SOX6: variants seen among roughly 807,000 people sequenced by gnomAD.
The protein encoded by SOX6 is SRY-box transcription factor 6, also known as transcription factor SOX-6.
Under a neutral mutation model 97.8 loss-of-function variants are expected in SOX6, and 11 were observed. That is an observed-to-expected ratio of 0.11 (90% CI 0.07 to 0.19). SOX6 has a LOEUF of 0.19. Among genes scored for constraint, SOX6 ranks in the 10% least tolerant of loss-of-function variants. SOX6 has a pLI of 1.00. For missense variants in SOX6, 810 were observed against 1,039.5 expected, an observed-to-expected ratio of 0.78 and a Z score of 3.04; for synonymous variants, 360 against 371.4, an observed-to-expected ratio of 0.97 and a Z score of 0.35.
At chr11:16,588,849 CAAGACA>C (rs1336488302) in intron 4 of SOX6, among the ~76,000 whole-genome samples, 1 of 151,984 alleles carries the variant, frequency 6.6e-6, no homozygotes, top group Non-Finnish European at 1.5e-5. Context: ...GGCGTTGTAG[CAAGACA>C]CTGTCTCTTT....
intron 6 of SOX6, among the ~76,000 whole-genome samples, chr11:16,158,146 G>T (rs2134065895): frequency 6.6e-6 from 1 of 151,998 alleles, no homozygotes; most frequent in East Asian, 1.9e-4. Flanking sequence ...TTCAAAAATT[G>T]TTGAGTTAAT....
At chr11:16,633,185 A>G (rs1273226588) in intron 3 of SOX6, among the ~76,000 whole-genome samples, 1 of 152,216 alleles carries the variant, frequency 6.6e-6, no homozygotes, top group East Asian at 1.9e-4. Context: ...TCTAAATAGT[A>G]TTTTTAATAC....
intron 4 of SOX6, among the ~76,000 whole-genome samples, chr11:16,487,746 C>T (rs1860458585): frequency 6.6e-6 from 1 of 152,154 alleles, no homozygotes; most frequent in Admixed American, 6.5e-5. Context: ...TTAAAGGCAG[C>T]TAAAGATGGT....
At chr11:16,215,864 G>A (rs749171414) in intron 4 of SOX6, among the ~76,000 whole-genome samples, 4 of 152,088 alleles carry the variant, frequency 2.6e-5, no homozygotes, top group Non-Finnish European at 5.9e-5. Flanking sequence ...GTTTGATTTT[G>A]GTTTTGTTTT....
chr11:16,230,470 G>A (rs543666964), intron 4 of SOX6, among the ~76,000 whole-genome samples: 1 of 151,090 alleles, frequency 6.6e-6, no homozygotes, highest in Admixed American at 6.6e-5. Flanking sequence ...TATAACAAAA[G>A]GAAAATAGAA....
intron 4 of SOX6, among the ~76,000 whole-genome samples, chr11:16,593,918 G>GA (rs1311809473): frequency 2.0e-5 from 3 of 152,102 alleles, no homozygotes; most frequent in South Asian, 2.1e-4. Flanking sequence ...AATTAAAAAA[G>GA]AAAAAATTCA....
intron 2 of SOX6, among the ~76,000 whole-genome samples, chr11:16,328,167 GACCCT>G (rs1856159715): frequency 6.6e-6 from 1 of 152,018 alleles, no homozygotes; most frequent in Admixed American, 6.6e-5. Flanking sequence ...TGCTTCTTTA[GACCCT>G]ACTCAAAATC....
chr11:16,277,848 G>T (rs757915217), intron 3 of SOX6, among the ~76,000 whole-genome samples: 2 of 152,218 alleles, frequency 1.3e-5, no homozygotes, highest in Admixed American at 6.5e-5. Context: ...ATTCAACGTG[G>T]TTTCAAAGTA....
intron 4 of SOX6, among the ~76,000 whole-genome samples, chr11:16,548,392 T>C (rs755287897): frequency 1.3e-5 from 2 of 152,200 alleles, no homozygotes; most frequent in Non-Finnish European, 2.9e-5. Context: ...CAATTTTTAA[T>C]ATCTTCAAAA....
In SOX6 at chr11:16,487,587, A is replaced by G. The variant is rs1388199735; in HGVS notation, n.610-11199T>C. On this transcript the variant is annotated intron_variant and non_coding_transcript_variant, in intron 4 of 5. Coordinates refer to the SOX6 transcript ENST00000524520. The stretch of plus-strand genomic sequence containing the variant: ...GTAGAGTGGCAGAGATTTAAAAAGC[A>G]ATCATTTAACAAAATCTTGCAAATA... Among the ~76,000 whole-genome samples the G allele has an allele frequency of 5.3e-5, 8 of 152,342 alleles. No homozygotes were observed. In the East Asian group the frequency reaches 1.5e-3, roughly 29 times the overall value.
chr11:16,278,909 C>T (rs978226703), intron 3 of SOX6, among the ~76,000 whole-genome samples: 2 of 152,050 alleles, frequency 1.3e-5, no homozygotes, highest in Non-Finnish European at 2.9e-5. Flanking sequence ...CTTCATTTTC[C>T]TATTCTTGGA....
intron 3 of SOX6, among the ~76,000 whole-genome samples, chr11:16,688,623 G>A (rs147896279): frequency 1.2e-4 from 18 of 152,182 alleles, no homozygotes; most frequent in African/African-American, 3.9e-4. Flanking sequence ...GATTTGTATC[G>A]TTTTTTATAT....
intron 4 of SOX6, among the ~76,000 whole-genome samples, chr11:16,489,244 A>G (rs372464817): frequency 3.3e-5 from 5 of 152,130 alleles, no homozygotes; most frequent in South Asian, 4.1e-4. Flanking sequence ...CAGTTCTACT[A>G]TTTTATACAG....
At chr11:16,622,548 C>T (rs1461743246) in intron 3 of SOX6, among the ~76,000 whole-genome samples, 1 of 152,196 alleles carries the variant, frequency 6.6e-6, no homozygotes, top group Non-Finnish European at 1.5e-5. Flanking sequence ...AGTTACTCTG[C>T]TTACAATAAT....
chr11:16,612,524 A>C (rs1003086606), intron 3 of SOX6, among the ~76,000 whole-genome samples: 1 of 145,848 alleles, frequency 6.9e-6, no homozygotes, highest in African/African-American at 2.5e-5. Context: ...AGTCAGAGAA[A>C]GATTTTTAAC....
chr11:16,576,667 G>A (rs1040276449), intron 4 of SOX6, among the ~76,000 whole-genome samples: 4 of 151,950 alleles, frequency 2.6e-5, no homozygotes, highest in Non-Finnish European at 4.4e-5. Context: ...GGATTTTAAA[G>A]GAACTATAAT....
intron 1 of SOX6, among the ~76,000 whole-genome samples, chr11:16,427,574 G>T (rs1191110673): frequency 6.6e-6 from 1 of 151,788 alleles, no homozygotes; most frequent in Non-Finnish European, 1.5e-5. Context: ...GTGAGAACAT[G>T]AGGTGTTTGG....
chr11:16,537,640 T>C (rs1354846726), intron 4 of SOX6, among the ~76,000 whole-genome samples: 1 of 152,186 alleles, frequency 6.6e-6, no homozygotes, highest in African/African-American at 2.4e-5. Flanking sequence ...AATGACCTGA[T>C]GGAGCTGAAA....
At chr11:16,643,346 G>A (rs536428290) in intron 3 of SOX6, among the ~76,000 whole-genome samples, 1 of 152,334 alleles carries the variant, frequency 6.6e-6, no homozygotes, top group East Asian at 1.9e-4. Flanking sequence ...CTCCCAGTTA[G>A]GCTACTCAGG....
Sources: allele counts gnomAD v4.1 joint callset (sites outside exome capture counted in the v4.1 genomes callset), GRCh38; gene constraint gnomAD v4.1.1; transcripts MANE v1.5; gene names NCBI Gene and HGNC (gene_info 2026-07-23, HGNC 2026-07-21).